The following PCDHA11 variants were observed in gnomAD, a reference collection of about 807,000 sequenced individuals.
PCDHA11 encodes the protein protocadherin alpha 11.
Under a neutral mutation model 70.3 loss-of-function variants are expected in PCDHA11, and 61 were observed. That is an observed-to-expected ratio of 0.87 (90% CI 0.71 to 1.07). The LOEUF (loss-of-function observed/expected upper bound fraction) is 1.07, where lower values mean the gene tolerates loss of function less well. Among genes scored for constraint, PCDHA11 ranks in the 50% least tolerant of loss-of-function variants. The pLI is 0.00. For synonymous variants in PCDHA11, 633 were observed against 555.1 expected (o/e 1.14, Z -1.97); for missense variants, 1,324 against 1,237.5 (o/e 1.07, Z -1.05).
At chr5:140,945,955 A>C (rs1174972799) in intron 1 of PCDHA11, among the ~76,000 whole-genome samples, 2 of 152,136 alleles carry the variant, frequency 1.3e-5, no homozygotes, top group African/African-American at 4.8e-5. Context: ...TGACCCTGAA[A>C]GCACAGGCAA....
chr5:140,877,323 C>T (rs782217893), intron 1 of PCDHA11: 2 of 1,613,988 alleles, frequency 1.2e-6, no homozygotes, highest in East Asian at 2.2e-5. Context: ...CGGCGGTCGG[C>T]GCGCACATCC....
chr5:140,878,599 A>G (rs1308833361), intron 1 of PCDHA11, among the ~76,000 whole-genome samples: 4 of 152,220 alleles, frequency 2.6e-5, no homozygotes, highest in African/African-American at 2.4e-5. Context: ...TTACCAAGTG[A>G]ATCTTCTAAT....
At chr5:140,934,129 T>G (rs150501213) in intron 1 of PCDHA11, among the ~76,000 whole-genome samples, 326 of 152,294 alleles carry the variant, frequency 2.1e-3, no homozygotes, top group African/African-American at 7.4e-3. Context: ...CTTTATTAAT[T>G]TATTTCCTTC....
intron 1 of PCDHA11, chr5:140,884,516 T>C: frequency 6.2e-7 from 1 of 1,613,960 alleles, no homozygotes; most frequent in South Asian, 1.1e-5. Context: ...GAGTTGGTCG[T>C]ACTCGCAGCA....
At chr5:140,951,876 G>A (rs1554220112) in intron 1 of PCDHA11, among the ~76,000 whole-genome samples, 1 of 152,094 alleles carries the variant, frequency 6.6e-6, no homozygotes, top group East Asian at 1.9e-4. Context: ...CTGAGACAAG[G>A]CAACTCTCTT....
At chr5:140,955,207 G>A (rs2153705473) in intron 1 of PCDHA11, among the ~76,000 whole-genome samples, 1 of 152,290 alleles carries the variant, frequency 6.6e-6, no homozygotes, top group South Asian at 2.1e-4. Context: ...CAATCAAGTA[G>A]CATGATGCCT....
intron 1 of PCDHA11, chr5:140,882,748 A>C: frequency 1.2e-6 from 2 of 1,614,258 alleles, no homozygotes; most frequent in Non-Finnish European, 1.7e-6. Flanking sequence ...CATCCGATGC[A>C]GATATTGGAG....
At chr5:140,985,459 C>A (rs1587084925) in intron 3 of PCDHA11, among the ~76,000 whole-genome samples, 1 of 152,236 alleles carries the variant, frequency 6.6e-6, no homozygotes, top group East Asian at 1.9e-4. Flanking sequence ...GGGAAATGCT[C>A]CAAAAAATTT....
intron 1 of PCDHA11, chr5:140,969,351 G>T: frequency 6.2e-7 from 1 of 1,612,990 alleles, no homozygotes; most frequent in Non-Finnish European, 8.5e-7. Flanking sequence ...TGGTCAGGGG[G>T]TCTTCTACAA....
At chr5:140,997,668 T>TTGTGTGTGTGTGTGTGTG (rs35184029) in intron 3 of PCDHA11, among the ~76,000 whole-genome samples, 77 of 148,344 alleles carry the variant, frequency 5.2e-4, no homozygotes, top group African/African-American at 1.8e-3. Context: ...ATTATACAGC[T>TTGTGTGTGTGTGTGTGTG]TGTGTGTGTG....
chr5:140,875,355 T>C (rs909094206), intron 1 of PCDHA11: 8 of 1,446,356 alleles, frequency 5.5e-6, no homozygotes, highest in Non-Finnish European at 7.3e-6. Flanking sequence ...ATGACTGTGA[T>C]GCTGGAAAAA....
rs782547925 is a variant in PCDHA11, at chr5:140,967,973, G to A, written c.2392-10976G>A. 4 of 1,614,170 alleles carry A rather than the reference G, an allele frequency of 2.5e-6. No individual in the cohort carries two copies. In the African/African-American group the frequency reaches 4.0e-5, roughly 16 times the overall value. On this transcript the variant is annotated intron_variant, in intron 1 of 3. Coordinates refer to ENST00000398640, the MANE Select transcript of PCDHA11 (RefSeq NM_018902.5). ...AGGCCCCAACCGGAAAGTGAGCCTG[G>A]GTCTGGAGGCCACACTGCCTTTCCG... is the stretch of plus-strand genomic sequence containing the variant.
chr5:140,943,800 A>G (rs1470801059), intron 1 of PCDHA11, among the ~76,000 whole-genome samples: 1 of 152,218 alleles, frequency 6.6e-6, no homozygotes, highest in East Asian at 1.9e-4. Flanking sequence ...GCAAAGCAAA[A>G]GAGGAAAGTT....
At chr5:140,958,192 C>G (rs1554223363) in intron 1 of PCDHA11, among the ~76,000 whole-genome samples, 1 of 151,790 alleles carries the variant, frequency 6.6e-6, no homozygotes, top group Non-Finnish European at 1.5e-5. Context: ...TGTTACTGGT[C>G]TAGTATACAA....
At chr5:140,917,335 G>GGGGGGGGGGT in intron 1 of PCDHA11, among the ~76,000 whole-genome samples, 2 of 146,518 alleles carry the variant, frequency 1.4e-5, no homozygotes, top group Non-Finnish European at 3.1e-5. Flanking sequence ...GGGGGAGGGG[G>GGGGGGGGGGT]GGGATGGTGT....
intron 1 of PCDHA11, among the ~76,000 whole-genome samples, chr5:140,949,802 A>G (rs974562597): frequency 1.3e-5 from 2 of 151,818 alleles, no homozygotes; most frequent in Admixed American, 6.6e-5. Flanking sequence ...CCTTCAATAC[A>G]TTATTTGCTT....
chr5:140,956,707 C>T (rs1461272130), intron 1 of PCDHA11, among the ~76,000 whole-genome samples: 9 of 152,120 alleles, frequency 5.9e-5, no homozygotes, highest in Non-Finnish European at 1.3e-4. Flanking sequence ...TTTGGAATAG[C>T]TTCAGAAGAA....
intron 1 of PCDHA11, chr5:140,926,963 A>G (rs782460460): frequency 1.2e-6 from 2 of 1,605,984 alleles, no homozygotes; most frequent in South Asian, 2.2e-5. Context: ...CAGCTCGAGT[A>G]CTCAGTGCCG....
At chr5:140,876,947 A>G in intron 1 of PCDHA11, 5 of 1,613,496 alleles carry the variant, frequency 3.1e-6, no homozygotes, top group South Asian at 1.1e-5. Flanking sequence ...CTGGTGTCCT[A>G]CTCGCTGGTG....
Sources: gnomAD v4.1 joint callset for allele counts (sites outside exome capture counted in the v4.1 genomes callset) on GRCh38, gnomAD v4.1.1 for gene constraint, MANE v1.5 for transcripts, NCBI Gene and HGNC (gene_info 2026-07-23, HGNC 2026-07-21) for gene names.